Variants in OPCML observed in about 807,000 individuals in gnomAD.
OPCML encodes opioid binding protein/cell adhesion molecule like, also known as opioid-binding protein/cell adhesion molecule.
Under a neutral mutation model 37.8 loss-of-function variants are expected in OPCML, and 13 were observed. The observed-to-expected ratio is 0.34, with a 90% CI of 0.22 to 0.55. OPCML has a LOEUF of 0.55. Among genes scored for constraint, OPCML ranks in the 20% least tolerant of loss-of-function variants. The pLI is 0.91. For synonymous variants in OPCML, 176 were observed against 168.8 expected (o/e 1.04, Z -0.33); for missense variants, 341 against 435.6 (o/e 0.78, Z 1.93).
intron 3 of OPCML, among the ~76,000 whole-genome samples, chr11:132,595,501 T>A (rs1318524159): frequency 6.6e-6 from 1 of 152,154 alleles, no homozygotes; most frequent in South Asian, 2.1e-4. Flanking sequence ...TTTCCATTAA[T>A]GAAAACTCTG....
chr11:133,135,209 A>G (rs1592034527), intron 1 of OPCML, among the ~76,000 whole-genome samples: 1 of 151,936 alleles, frequency 6.6e-6, no homozygotes, highest in African/African-American at 2.4e-5. Flanking sequence ...TCACAACAAT[A>G]TTCATAACAA....
intron 1 of OPCML, chr11:133,008,880 A>G (rs559851382): frequency 2.0e-6 from 2 of 985,354 alleles, no homozygotes; most frequent in South Asian, 4.7e-5. Context: ...CCAACCTAAT[A>G]TATCTGGTCA....
chr11:133,246,508 C>G (rs1022060675), intron 1 of OPCML, among the ~76,000 whole-genome samples: 1 of 152,162 alleles, frequency 6.6e-6, no homozygotes, highest in Non-Finnish European at 1.5e-5. Flanking sequence ...ATTGGGCACA[C>G]CTCAGATTGA....
Position 133,140,934 on chromosome 11 carries a change from A to AGACGACGAAGACGACGAAGACGAC in OPCML, c.62-197925_62-197924insGTCGTCTTCGTCGTCTTCGTCGTC. ...AAGAAGAAGAAGACGACGACGACGA[A>AGACGACGAAGACGACGAAGACGAC]GAAGAAGAAGACGACGAAGAAGAAG... On this transcript the variant is annotated intron_variant, in intron 1 of 7. Transcript: ENST00000524381. 7.9e-4 allele frequency among the ~76,000 whole-genome samples: 14 copies of AGACGACGAAGACGACGAAGACGAC among 17,738 alleles called. 4 individuals are homozygous for AGACGACGAAGACGACGAAGACGAC. Among genetic ancestry groups the AGACGACGAAGACGACGAAGACGAC allele is most frequent in the Admixed American group, 3.1e-3 (3 of 968 alleles). The allele number at this position is 17,738 out of a possible 152,430, so 11.6% of individuals were successfully genotyped here.
At chr11:132,852,115 G>A (rs1941835759) in intron 2 of OPCML, among the ~76,000 whole-genome samples, 1 of 152,120 alleles carries the variant, frequency 6.6e-6, no homozygotes, top group South Asian at 2.1e-4. Flanking sequence ...CGAGAAATCT[G>A]TACAAACAGA....
At chr11:132,446,337 G>A (rs1233764983) in intron 4 of OPCML, among the ~76,000 whole-genome samples, 1 of 148,200 alleles carries the variant, frequency 6.7e-6, no homozygotes, top group African/African-American at 2.5e-5. Flanking sequence ...GCAGAGGAGG[G>A]AGGGAGGGAG....
chr11:133,195,589 T>C (rs186470466), intron 1 of OPCML, among the ~76,000 whole-genome samples: 1 of 152,196 alleles, frequency 6.6e-6, no homozygotes, highest in Non-Finnish European at 1.5e-5. Context: ...TCATAAAACA[T>C]CTCCATGGTA....
chr11:132,557,305 G>A lies in OPCML; in HGVS notation c.380-28119C>T, dbSNP rs1247215367. Among the ~76,000 whole-genome samples the A allele has an allele frequency of 3.3e-5, 5 of 152,198 alleles. No homozygotes were observed. In the East Asian group the frequency reaches 9.6e-4, roughly 29 times the overall value. On this transcript the variant is annotated intron_variant, in intron 3 of 7. Transcript: ENST00000524381. ...TCCTTTCTCCTCAGTCGTAGAGGGA[G>A]TCAGAGGTATCACGTCCCTTAGAAA... is the stretch of plus-strand genomic sequence containing the variant.
At chr11:132,433,667 G>C (rs1415914988) in intron 7 of OPCML, among the ~76,000 whole-genome samples, 1 of 152,180 alleles carries the variant, frequency 6.6e-6, no homozygotes, top group Non-Finnish European at 1.5e-5. Flanking sequence ...CTATAGGGAA[G>C]TAATTAAGGT....
chr11:133,162,756 G>A (rs1359956494), intron 1 of OPCML, among the ~76,000 whole-genome samples: 2 of 152,180 alleles, frequency 1.3e-5, no homozygotes, highest in Non-Finnish European at 2.9e-5. Flanking sequence ...CTTCTGCTAC[G>A]GGCTTCAGCT....
intron 1 of OPCML, among the ~76,000 whole-genome samples, chr11:133,266,588 C>G (rs1238854336): frequency 1.3e-5 from 2 of 152,104 alleles, no homozygotes; most frequent in Non-Finnish European, 2.9e-5. Flanking sequence ...AGTTACTCAT[C>G]GGGACTTAGA....
chr11:132,579,037 GA>G (rs201573419), intron 3 of OPCML, among the ~76,000 whole-genome samples: 26 of 152,118 alleles, frequency 1.7e-4, no homozygotes, highest in South Asian at 1.7e-3. Flanking sequence ...TAAAAGGATA[GA>G]AACAACTGAA....
intron 1 of OPCML, among the ~76,000 whole-genome samples, chr11:133,329,826 A>C (rs926965673): frequency 6.6e-6 from 1 of 152,242 alleles, no homozygotes; most frequent in African/African-American, 2.4e-5. Context: ...ACAAAAGCTA[A>C]AATTGACAAA....
chr11:133,470,276 A>G (rs1258874634), intron 1 of OPCML, among the ~76,000 whole-genome samples: 1 of 152,180 alleles, frequency 6.6e-6, no homozygotes, highest in Non-Finnish European at 1.5e-5. Flanking sequence ...AAAAGAAAAC[A>G]CTCTTCACAG....
intron 1 of OPCML, among the ~76,000 whole-genome samples, chr11:133,186,433 C>T (rs577247290): frequency 6.7e-6 from 1 of 149,974 alleles, no homozygotes; most frequent in Admixed American, 6.7e-5. Flanking sequence ...GCTGCCTCTG[C>T]TGGCCTCTGA....
At chr11:133,379,763 A>G (rs1944893443) in intron 1 of OPCML, among the ~76,000 whole-genome samples, 1 of 152,238 alleles carries the variant, frequency 6.6e-6, no homozygotes, top group African/African-American at 2.4e-5. Flanking sequence ...GATCCTGCGT[A>G]TAATGGCTAT....
intron 3 of OPCML, among the ~76,000 whole-genome samples, chr11:132,541,489 GT>G: frequency 6.6e-6 from 1 of 150,690 alleles, no homozygotes; most frequent in East Asian, 2.0e-4. Context: ...AAATGCCAAT[GT>G]TATGGGCTCT....
chr11:133,294,111 G>A (rs1002944945), intron 1 of OPCML, among the ~76,000 whole-genome samples: 9 of 151,850 alleles, frequency 5.9e-5, no homozygotes, highest in South Asian at 2.1e-4. Flanking sequence ...AAGAAGCACC[G>A]CCTCCCTGAA....
intron 1 of OPCML, among the ~76,000 whole-genome samples, chr11:133,341,621 T>C (rs1262377867): frequency 6.6e-6 from 1 of 152,210 alleles, no homozygotes; most frequent in Admixed American, 6.5e-5. Context: ...TCCCTTAAAA[T>C]GCTTTTGCAG....
Sources: gnomAD v4.1 joint callset for allele counts (sites outside exome capture counted in the v4.1 genomes callset) on GRCh38, gnomAD v4.1.1 for gene constraint, MANE v1.5 for transcripts, NCBI Gene and HGNC (gene_info 2026-07-23, HGNC 2026-07-21) for gene names.